Variants in H2AP observed in about 807,000 individuals in gnomAD.
The protein encoded by H2AP is huntingtin-interacting protein M.
For missense variants in H2AP, 108 were observed against 97.4 expected (o/e 1.11, Z -0.46); for synonymous variants, 36 against 35.2 (o/e 1.02, Z -0.08).
At position 37,991,094 on chromosome X, in the gene H2AP, G is replaced by T. The variant is rs371386856; in HGVS notation, c.255G>T (p.Arg85Ser). The change falls in exon 1 of 1, where the codon AGG (arginine) becomes AGT (serine). Residue 85 changes from arginine to serine, a missense_variant. Arg to Ser is a moderately radical substitution (Grantham distance 110). Coordinates refer to ENST00000341016, the MANE Select transcript of H2AP (RefSeq NM_012274.2). ...GTATGCGCAACACTTCACAAGATAGGGAGAGAGAAGTGGACAACAACCGTG... is the reference window on the plus strand; with the variant it reads ...GTATGCGCAACACTTCACAAGATAGTGAGAGAGAAGTGGACAACAACCGTG... Reference protein sequence around the residue: ...NGSMRNTSQDREREVDNNREP... With the variant: ...NGSMRNTSQDSEREVDNNREP... The T allele has an allele frequency of 2.6e-5, 31 of 1,209,496 alleles. No homozygotes were observed. In the African/African-American group the frequency reaches 4.7e-4, roughly 18 times the overall value.
At position 37,991,012 on chromosome X, in the gene H2AP, A is replaced by G; in HGVS notation, c.173A>G (p.Asp58Gly). 8.3e-7 allele frequency: 1 copy of G among 1,211,914 alleles called. No individual in the cohort carries two copies. Among genetic ancestry groups the G allele is most frequent in the Non-Finnish European group, 1.1e-6 (1 of 895,599 alleles). ...ATAAATACCCTCCTTACCTTGCTCG[A>G]TTGCCTTGCTGACTACATCATGGAG... is the stretch of plus-strand genomic sequence containing the variant. ...STINTLLTLL[D>G]CLADYIMERV... The change falls in exon 1 of 1, where the codon GAT (aspartate) becomes GGT (glycine). Residue 58 changes from aspartate to glycine, a missense_variant. Asp to Gly is a moderately conservative substitution (Grantham distance 94, BLOSUM62 -1). Transcript: ENST00000341016.
In H2AP at chrX:37,991,075, G is replaced by A. The variant is rs781203861; in HGVS notation, c.236G>A (p.Arg79His). Residue 79 changes from arginine to histidine, a missense_variant, in exon 1 of 1, where the codon CGC becomes CAC. Coordinates refer to ENST00000341016, the MANE Select transcript of H2AP (RefSeq NM_012274.2). ...GLEASNNGSM[R>H]NTSQDREREV... The stretch of plus-strand genomic sequence containing the variant: ...GAGGCCAGCAACAATGGCAGTATGC[G>A]CAACACTTCACAAGATAGGGAGAGA... The A allele has an allele frequency of 2.0e-5, 24 of 1,209,432 alleles. No homozygotes were observed. The highest frequency in any genetic ancestry group is 1.4e-4 in the South Asian group (8 of 56,758).
rs781361111 is a variant in H2AP, at chrX:37,991,218, G to C, written c.*25G>C. ...AAGACTGGGTCCCAGAGCCTTGAAG[G>C]GAACCTCACAGGCTTAGCCAGGGCA... is the stretch of plus-strand genomic sequence containing the variant. On this transcript the variant is annotated 3_prime_UTR_variant, in exon 1 of 1. Transcript: ENST00000341016. 7.1e-5 allele frequency: 85 copies of C among 1,192,345 alleles called. 1 individual carries two copies. Among genetic ancestry groups the C allele is most frequent in the Non-Finnish European group, 9.6e-5 (85 of 885,291 alleles).
Position 37,990,958 on chromosome X carries a change from G to A in H2AP, c.119G>A (p.Arg40Gln), listed in dbSNP as rs184963144. ...GTGGACCGCGTTGTGCAAGATGAACGAGACGTCCAAAGCCAGAGTTCCTCC... is the reference window on the plus strand; with the variant it reads ...GTGGACCGCGTTGTGCAAGATGAACAAGACGTCCAAAGCCAGAGTTCCTCC... Reference protein sequence around the residue: ...SFVDRVVQDERDVQSQSSSTI... With the variant: ...SFVDRVVQDEQDVQSQSSSTI... Residue 40 changes from arginine (R) to glutamine (Q), a missense_variant, in exon 1 of 1, where the codon CGA becomes CAA. Arg to Gln is a conservative substitution (Grantham distance 43, BLOSUM62 1). Coordinates refer to ENST00000341016, the MANE Select transcript of H2AP (RefSeq NM_012274.2). 9.9e-6 allele frequency: 12 copies of A among 1,210,179 alleles called. No homozygotes were observed. Among genetic ancestry groups the A allele is most frequent in the Admixed American group, 6.5e-5 (3 of 45,845 alleles).
In H2AP at chrX:37,991,093, G is replaced by C; in HGVS notation, c.254G>C (p.Arg85Thr). The C allele has an allele frequency of 8.3e-7, 1 of 1,211,655 alleles. No individual in the cohort carries two copies. The highest frequency in any genetic ancestry group is 1.1e-6 in the Non-Finnish European group (1 of 895,486). The stretch of plus-strand genomic sequence containing the variant: ...AGTATGCGCAACACTTCACAAGATA[G>C]GGAGAGAGAAGTGGACAACAACCGT... ...NGSMRNTSQD[R>T]EREVDNNREP... Residue 85 changes from arginine to threonine, a missense_variant, in exon 1 of 1, where the codon AGG becomes ACG. Physicochemically the swap from Arg to Thr is moderately conservative, Grantham distance 71. Coordinates refer to ENST00000341016, the MANE Select transcript of H2AP (RefSeq NM_012274.2).
At position 37,991,004 on chromosome X, in the gene H2AP, C is replaced by T; in HGVS notation, c.165C>T (p.Thr55=). The change falls in exon 1 of 1, where the codon ACC becomes ACT. Residue 55 remains threonine (T), a synonymous_variant. Coordinates refer to ENST00000341016, the MANE Select transcript of H2AP (RefSeq NM_012274.2). ...QSSSTINTLL[T]LLDCLADYIM... is the part of the protein sequence containing the mutation. Reference sequence around the variant, plus strand: ...CCTCCACAATAAATACCCTCCTTACCTTGCTCGATTGCCTTGCTGACTACA... The same window carrying T: ...CCTCCACAATAAATACCCTCCTTACTTTGCTCGATTGCCTTGCTGACTACA... 1 of 1,212,025 alleles carries T rather than the reference C, an allele frequency of 8.3e-7. No homozygotes were observed. Among genetic ancestry groups the T allele is most frequent in the Non-Finnish European group, 1.1e-6 (1 of 895,614 alleles).
chrX:37,990,785 C>G lies in H2AP; in HGVS notation c.-55C>G. ...ACTAAGCACTAGTGTCCTCAGAGAC[C>G]TACTTGAGCTAGAGAATCAAGCAGA... On this transcript the variant is annotated 5_prime_UTR_variant, in exon 1 of 1. Coordinates refer to ENST00000341016, the MANE Select transcript of H2AP (RefSeq NM_012274.2). The G allele has an allele frequency of 8.8e-7, 1 of 1,142,832 alleles. No homozygotes were observed. Among genetic ancestry groups the G allele is most frequent in the Non-Finnish European group, 1.2e-6 (1 of 860,707 alleles). 94.2% of individuals were successfully genotyped at this position (1,142,832 alleles called of 1,213,427 possible). A position where few individuals can be genotyped will look rare whatever the true frequency, so the allele number is the denominator to read the frequency against.
Position 37,990,894 on chromosome X carries a change from G to T in H2AP, c.55G>T (p.Asp19Tyr), listed in dbSNP as rs1441916382. 9.9e-6 allele frequency: 12 copies of T among 1,211,055 alleles called. No individual in the cohort carries two copies. The South Asian group carries it at 2.1e-4, about 21-fold the overall frequency. Residue 19 changes from aspartate to tyrosine, a missense_variant, in exon 1 of 1, where the codon GAC (aspartate) becomes TAC (tyrosine). By Grantham distance (160) the Asp-to-Tyr change is radical (BLOSUM62 -3). Coordinates refer to ENST00000341016, the MANE Select transcript of H2AP (RefSeq NM_012274.2). ...GTCTACAAATAACAACCAGACTCAA[G>T]ACCCTTCTAGAAATGAGCTACAGGT... ...NSSTNNNQTQ[D>Y]PSRNELQVPR...
In H2AP at chrX:37,990,936, G is replaced by T. The variant is rs1436848683; in HGVS notation, c.97G>T (p.Asp33Tyr). The T allele has an allele frequency of 4.1e-6, 5 of 1,210,046 alleles. No homozygotes were observed. Among genetic ancestry groups the T allele is most frequent in the Non-Finnish European group, 5.6e-6 (5 of 895,262 alleles). The change falls in exon 1 of 1, where the codon GAC becomes TAC. Residue 33 changes from aspartate to tyrosine, a missense_variant. Transcript: ENST00000341016. ...NELQVPRSFVDRVVQDERDVQ... is the reference protein window; with the variant it reads ...NELQVPRSFVYRVVQDERDVQ... ...GCTACAGGTCCCTAGGAGCTTCGTGGACCGCGTTGTGCAAGATGAACGAGA... is the reference window on the plus strand; with the variant it reads ...GCTACAGGTCCCTAGGAGCTTCGTGTACCGCGTTGTGCAAGATGAACGAGA...
In H2AP at chrX:37,991,013, T is replaced by TTGCCTTGCTGA; in HGVS notation, c.175_185dup (p.Tyr63AlafsTer10). 1 of 1,212,007 alleles carries TTGCCTTGCTGA rather than the reference T, an allele frequency of 8.3e-7. No homozygotes were observed. The highest frequency in any genetic ancestry group is 1.1e-6 in the Non-Finnish European group (1 of 895,624). ...TAAATACCCTCCTTACCTTGCTCGA[T>TTGCCTTGCTGA]TGCCTTGCTGACTACATCATGGAGC... On this transcript the variant is annotated frameshift_variant, in exon 1 of 1. Transcript: ENST00000341016. LOFTEE classifies it low-confidence loss of function (END_TRUNC).
Position 37,990,943 on chromosome X carries a change from T to C in H2AP, c.104T>C (p.Val35Ala). The change falls in exon 1 of 1, where the codon GTT becomes GCT. Residue 35 changes from valine (V) to alanine (A), a missense_variant. By Grantham distance (64) the Val-to-Ala change is moderately conservative. Coordinates refer to ENST00000341016, the MANE Select transcript of H2AP (RefSeq NM_012274.2). Reference protein sequence around the residue: ...LQVPRSFVDRVVQDERDVQSQ... With the variant: ...LQVPRSFVDRAVQDERDVQSQ... Reference sequence around the variant, plus strand: ...GTCCCTAGGAGCTTCGTGGACCGCGTTGTGCAAGATGAACGAGACGTCCAA... The same window carrying C: ...GTCCCTAGGAGCTTCGTGGACCGCGCTGTGCAAGATGAACGAGACGTCCAA... The C allele has an allele frequency of 8.3e-7, 1 of 1,211,678 alleles. No individual in the cohort carries two copies. The highest frequency in any genetic ancestry group is 1.1e-6 in the Non-Finnish European group (1 of 895,469).
At position 37,990,962 on chromosome X, in the gene H2AP, C is replaced by T. The variant is rs1327386210; in HGVS notation, c.123C>T (p.Asp41=). ...ACCGCGTTGTGCAAGATGAACGAGA[C>T]GTCCAAAGCCAGAGTTCCTCCACAA... is the stretch of plus-strand genomic sequence containing the variant. ...FVDRVVQDER[D]VQSQSSSTIN... The change falls in exon 1 of 1, where the codon GAC becomes GAT. Residue 41 remains aspartate, a synonymous_variant. Transcript: ENST00000341016. 4.1e-6 allele frequency: 5 copies of T among 1,210,182 alleles called. No individual in the cohort carries two copies. The highest frequency in any genetic ancestry group is 3.5e-5 in the African/African-American group (2 of 57,241).
Position 37,990,940 on chromosome X carries a change from G to A in H2AP, c.101G>A (p.Arg34His), listed in dbSNP as rs757702060. 1.8e-5 allele frequency: 22 copies of A among 1,210,053 alleles called. No homozygotes were observed. The highest frequency in any genetic ancestry group is 7.0e-5 in the South Asian group (4 of 56,791). ...CAGGTCCCTAGGAGCTTCGTGGACC[G>A]CGTTGTGCAAGATGAACGAGACGTC... is the stretch of plus-strand genomic sequence containing the variant. ...ELQVPRSFVD[R>H]VVQDERDVQS... The change falls in exon 1 of 1, where the codon CGC becomes CAC. Residue 34 changes from arginine to histidine, a missense_variant. Transcript: ENST00000341016.
rs767109332 is a variant in H2AP at position 37,990,939 on chromosome X, C to T, written c.100C>T (p.Arg34Cys). ...ELQVPRSFVD[R>C]VVQDERDVQS... ...ACAGGTCCCTAGGAGCTTCGTGGACCGCGTTGTGCAAGATGAACGAGACGT... is the reference window on the plus strand; with the variant it reads ...ACAGGTCCCTAGGAGCTTCGTGGACTGCGTTGTGCAAGATGAACGAGACGT... The change falls in exon 1 of 1, where the codon CGC becomes TGC. Residue 34 changes from arginine (R) to cysteine (C), a missense_variant. Coordinates refer to ENST00000341016, the MANE Select transcript of H2AP (RefSeq NM_012274.2). 1.4e-5 allele frequency: 17 copies of T among 1,210,066 alleles called. No individual in the cohort carries two copies. The highest frequency in any genetic ancestry group is 5.9e-5 in the East Asian group (2 of 33,770).
In H2AP at chrX:37,991,287, A is replaced by C. The variant is rs899715349; in HGVS notation, c.*94A>C. ...GGAATATCTGCTGTTGTCATCAACA[A>C]GTGCTATTAAAGGATGTAAATCCAT... On this transcript the variant is annotated 3_prime_UTR_variant, in exon 1 of 1. Transcript: ENST00000341016. 9.1e-7 allele frequency: 1 copy of C among 1,104,916 alleles called. No homozygotes were observed. Among genetic ancestry groups the C allele is most frequent in the African/African-American group, 1.9e-5 (1 of 53,894 alleles). The allele number at this position is 1,104,916 out of a possible 1,213,427, so 91.1% of individuals were successfully genotyped here. A position where few individuals can be genotyped will look rare whatever the true frequency, so the allele number is the denominator to read the frequency against.
Position 37,991,034 on chromosome X carries a change from G to A in H2AP, c.195G>A (p.Met65Ile), listed in dbSNP as rs1933555778. 4 of 1,209,953 alleles carry A rather than the reference G, an allele frequency of 3.3e-6. No individual in the cohort carries two copies. The highest frequency in any genetic ancestry group is 4.5e-6 in the Non-Finnish European group (4 of 895,266). Residue 65 changes from methionine to isoleucine, a missense_variant, in exon 1 of 1, where the codon ATG becomes ATA. Met to Ile is a conservative substitution (Grantham distance 10). Transcript: ENST00000341016. ...TLLDCLADYIMERVGLEASNN... is the reference protein window; with the variant it reads ...TLLDCLADYIIERVGLEASNN... ...TCGATTGCCTTGCTGACTACATCAT[G>A]GAGCGGGTAGGCTTGGAGGCCAGCA...
chrX:37,990,976 G>C lies in H2AP; in HGVS notation c.137G>C (p.Ser46Thr), dbSNP rs1933552475. 1.7e-6 allele frequency: 2 copies of C among 1,212,033 alleles called. No individual in the cohort carries two copies. The highest frequency in any genetic ancestry group is 1.8e-5 in the South Asian group (1 of 57,008). The change falls in exon 1 of 1, where the codon AGT (serine) becomes ACT (threonine). Residue 46 changes from serine to threonine, a missense_variant. By Grantham distance (58) the Ser-to-Thr change is moderately conservative. Transcript: ENST00000341016. Reference sequence around the variant, plus strand: ...GATGAACGAGACGTCCAAAGCCAGAGTTCCTCCACAATAAATACCCTCCTT... The same window carrying C: ...GATGAACGAGACGTCCAAAGCCAGACTTCCTCCACAATAAATACCCTCCTT... Reference protein sequence around the residue: ...VQDERDVQSQSSSTINTLLTL... With the variant: ...VQDERDVQSQTSSTINTLLTL...
rs1933542888 is a variant in H2AP at position 37,990,809 on chromosome X, G to C, written c.-31G>C. The C allele has an allele frequency of 2.1e-5, 24 of 1,164,760 alleles. No individual in the cohort carries two copies. Among genetic ancestry groups the C allele is most frequent in the Non-Finnish European group, 2.8e-5 (24 of 872,323 alleles). Reference sequence around the variant, plus strand: ...CCTACTTGAGCTAGAGAATCAAGCAGAGCTGATGAGAGCCAAACCCAGCAA... The same window carrying C: ...CCTACTTGAGCTAGAGAATCAAGCACAGCTGATGAGAGCCAAACCCAGCAA... On this transcript the variant is annotated 5_prime_UTR_variant, in exon 1 of 1. Coordinates refer to ENST00000341016, the MANE Select transcript of H2AP (RefSeq NM_012274.2).
chrX:37,990,996 C>T lies in H2AP; in HGVS notation c.157C>T (p.Leu53Phe). ...CCAGAGTTCCTCCACAATAAATACC[C>T]TCCTTACCTTGCTCGATTGCCTTGC... ...QSQSSSTINT[L>F]LTLLDCLADY... The change falls in exon 1 of 1, where the codon CTC becomes TTC. Residue 53 changes from leucine (L) to phenylalanine (F), a missense_variant. By Grantham distance (22) the Leu-to-Phe change is conservative. Coordinates refer to ENST00000341016, the MANE Select transcript of H2AP (RefSeq NM_012274.2). 1 of 1,212,082 alleles carries T rather than the reference C, an allele frequency of 8.3e-7. No individual in the cohort carries two copies. The highest frequency in any genetic ancestry group is 1.8e-5 in the South Asian group (1 of 57,000).
Sources: allele counts gnomAD v4.1 joint callset, GRCh38; gene constraint gnomAD v4.1.1; transcripts MANE v1.5; gene names NCBI Gene and HGNC (gene_info 2026-07-23, HGNC 2026-07-21).